Variants in DSCAM observed in about 807,000 individuals in gnomAD.
DSCAM encodes cell adhesion molecule DSCAM.
DSCAM carries 47 observed loss-of-function variants against 217.7 expected under a neutral mutation model. The observed-to-expected ratio is 0.22, with a 90% confidence interval of 0.17 to 0.28. DSCAM has a LOEUF of 0.28. Ranked by LOEUF, DSCAM falls within the 10% of genes least tolerant of loss-of-function variation. The pLI, the probability that DSCAM is intolerant of heterozygous loss-of-function variation, is 1.00. For missense variants in DSCAM, 2,080 were observed against 2,618.3 expected, an observed-to-expected ratio of 0.79 and a Z score of 4.49; for synonymous variants, 1,056 against 1,015.3, an observed-to-expected ratio of 1.04 and a Z score of -0.76.
intron 3 of DSCAM, among the ~76,000 whole-genome samples, chr21:40,534,534 G>A (rs1307477633): frequency 6.6e-6 from 1 of 152,078 alleles, no homozygotes; most frequent in Non-Finnish European, 1.5e-5. Context: ...CCTTGATGTG[G>A]ACCTGGAGAC....
At chr21:40,100,777 G>A (rs1261271062) in intron 20 of DSCAM, among the ~76,000 whole-genome samples, 1 of 152,108 alleles carries the variant, frequency 6.6e-6, no homozygotes, top group Non-Finnish European at 1.5e-5. Context: ...GGAGAAATCT[G>A]TGGGGAAGCA....
At chr21:40,374,066 A>G (rs547130601) in intron 3 of DSCAM, among the ~76,000 whole-genome samples, 9 of 130,354 alleles carry the variant, frequency 6.9e-5, no homozygotes, top group Non-Finnish European at 1.3e-4. Flanking sequence ...AATCACAAAA[A>G]AAGGGATAAG....
intron 3 of DSCAM, among the ~76,000 whole-genome samples, chr21:40,687,118 T>C (rs571458213): frequency 3.3e-5 from 5 of 152,242 alleles, no homozygotes; most frequent in South Asian, 2.1e-4. Flanking sequence ...AAATAGAAGA[T>C]TAGATGATAC....
intron 3 of DSCAM, among the ~76,000 whole-genome samples, chr21:40,651,711 G>A (rs2090016461): frequency 6.6e-6 from 1 of 152,178 alleles, no homozygotes; most frequent in Admixed American, 6.5e-5. Flanking sequence ...GCATATTATA[G>A]CCAACACTGT....
In DSCAM at chr21:40,326,316, G is replaced by A. The variant is rs576401617; in HGVS notation, c.1783+11785C>T. Among the ~76,000 whole-genome samples the A allele has an allele frequency of 8.1e-4, 124 of 152,254 alleles. 3 individuals are homozygous for A. In the Middle Eastern group the frequency reaches 0.014, roughly 17 times the overall value. ...AGTGGGACATGGGCTGCAACTAGGC[G>A]TTCTTGTCTTCAGGACAGAGGTGGC... On this transcript the variant is annotated intron_variant, in intron 8 of 32. Transcript: ENST00000400454.
intron 6 of DSCAM, among the ~76,000 whole-genome samples, chr21:40,345,769 T>C (rs1487229923): frequency 6.6e-6 from 1 of 152,212 alleles, no homozygotes; most frequent in Non-Finnish European, 1.5e-5. Flanking sequence ...GATATGTATT[T>C]GTAATTCCAT....
At chr21:40,363,886 T>A (rs1216482519) in intron 4 of DSCAM, among the ~76,000 whole-genome samples, 1 of 152,154 alleles carries the variant, frequency 6.6e-6, no homozygotes, top group East Asian at 1.9e-4. Context: ...CAGACACTTC[T>A]CAAAAGAAGA....
At chr21:40,449,604 G>A (rs2075703005) in intron 3 of DSCAM, among the ~76,000 whole-genome samples, 1 of 152,166 alleles carries the variant, frequency 6.6e-6, no homozygotes, top group African/African-American at 2.4e-5. Context: ...ATTCTAAACA[G>A]TAATCAAGCA....
intron 1 of DSCAM, among the ~76,000 whole-genome samples, chr21:40,761,785 G>T (rs1187473950): frequency 6.6e-6 from 1 of 152,146 alleles, no homozygotes; most frequent in Non-Finnish European, 1.5e-5. Context: ...CATTACTAGA[G>T]AAGTTTCTCT....
chr21:40,829,478 C>A (rs934816494), intron 1 of DSCAM, among the ~76,000 whole-genome samples: 39 of 152,200 alleles, frequency 2.6e-4, no homozygotes, highest in African/African-American at 8.9e-4. Context: ...TGGTCAAGTG[C>A]AGCTGCTCTG....
chr21:40,461,771 C>T (rs961828317), intron 3 of DSCAM, among the ~76,000 whole-genome samples: 1 of 152,092 alleles, frequency 6.6e-6, no homozygotes, highest in African/African-American at 2.4e-5. Context: ...GCCGGCGATG[C>T]AATGTGAAAA....
At chr21:40,322,048 G>T (rs994254042) in intron 8 of DSCAM, among the ~76,000 whole-genome samples, 2 of 152,118 alleles carry the variant, frequency 1.3e-5, no homozygotes, top group Non-Finnish European at 2.9e-5. Context: ...CCCAGAATTA[G>T]ATAAATGTCC....
chr21:40,449,677 T>G (rs1233764398), intron 3 of DSCAM, among the ~76,000 whole-genome samples: 2 of 152,178 alleles, frequency 1.3e-5, no homozygotes. Flanking sequence ...CTGGTGGCAG[T>G]TTTTGTTGAA....
chr21:40,832,293 T>C (rs1185890721), intron 1 of DSCAM, among the ~76,000 whole-genome samples: 2 of 152,208 alleles, frequency 1.3e-5, no homozygotes, highest in African/African-American at 4.8e-5. Context: ...TTGTAGCTAA[T>C]AAACATAACG....
In DSCAM at chr21:40,805,960, G is replaced by A. The variant is rs564913284; in HGVS notation, c.43+40659C>T. 5.3e-5 allele frequency among the ~76,000 whole-genome samples: 8 copies of A among 152,030 alleles called. No homozygotes were observed. The South Asian group carries it at 6.2e-4, about 12-fold the overall frequency. Reference sequence around the variant, plus strand: ...CCTGACCTTGTGATCTGCCCGCCTCGGCCTCCCAAAGTGTTGGGATTACAG... The same window carrying A: ...CCTGACCTTGTGATCTGCCCGCCTCAGCCTCCCAAAGTGTTGGGATTACAG... On this transcript the variant is annotated intron_variant, in intron 1 of 32. Transcript: ENST00000400454.
intron 3 of DSCAM, among the ~76,000 whole-genome samples, chr21:40,388,633 A>G (rs1348465109): frequency 6.6e-6 from 1 of 150,924 alleles, no homozygotes; most frequent in Non-Finnish European, 1.5e-5. Context: ...AGTTAAGGCC[A>G]TTTTAAACCC....
At chr21:40,654,613 T>C (rs554542179) in intron 3 of DSCAM, among the ~76,000 whole-genome samples, 3 of 152,322 alleles carry the variant, frequency 2.0e-5, no homozygotes, top group Admixed American at 1.3e-4. Flanking sequence ...AAGTGTGTTT[T>C]GTGTTTTCCA....
chr21:40,043,930 A>C, intron 31 of DSCAM, 148 bp downstream of exon 31: 20 of 800,580 alleles, frequency 2.5e-5, no homozygotes, highest in Non-Finnish European at 3.5e-5. Flanking sequence ...ACTGTTAGAT[A>C]AACCGCGTAA....
At chr21:40,723,886 A>G (rs2090928403) in intron 1 of DSCAM, among the ~76,000 whole-genome samples, 1 of 152,230 alleles carries the variant, frequency 6.6e-6, no homozygotes. Context: ...ATTTTGCAAC[A>G]AGAAGGAAAA....
Sources: gnomAD v4.1 joint callset for allele counts (sites outside exome capture counted in the v4.1 genomes callset) on GRCh38, gnomAD v4.1.1 for gene constraint, MANE v1.5 for transcripts, NCBI Gene and HGNC (gene_info 2026-07-23, HGNC 2026-07-21) for gene names.